Variants in PAPOLA observed in about 807,000 individuals in gnomAD.
PAPOLA encodes polynucleotide adenylyltransferase alpha.
Under a neutral mutation model 100.6 loss-of-function variants are expected in PAPOLA, and 15 were observed. The ratio of observed to expected loss-of-function variants is 0.15; its 90% CI spans 0.10 to 0.23. The LOEUF is 0.23. PAPOLA is among the 10% of genes least tolerant of loss of function. The probability of loss-of-function intolerance (pLI) is 1.00; values close to 1 mark genes in which losing one functional copy is unlikely to be tolerated. For synonymous variants in PAPOLA, 293 were observed against 300.0 expected, an observed-to-expected ratio of 0.98 and a Z score of 0.24; for missense variants, 533 against 884.2, an observed-to-expected ratio of 0.60 and a Z score of 5.04.
At chr14:96,502,708 C>G in intron 1 of PAPOLA, 108 bp downstream of exon 1, 2 of 1,260,252 alleles carry the variant, frequency 1.6e-6, no homozygotes, top group Non-Finnish European at 2.2e-6. Context: ...CCGACCCTCC[C>G]CGCTGGTAGG....
At chr14:96,534,881 A>C in intron 10 of PAPOLA, 1 of 1,061,458 alleles carries the variant, frequency 9.4e-7, no homozygotes, top group Non-Finnish European at 1.1e-6. Context: ...AAATAAAAGG[A>C]TACTAAAAAT....
At chr14:96,514,937 T>C (rs1271480178) in intron 1 of PAPOLA, among the ~76,000 whole-genome samples, 2 of 152,180 alleles carry the variant, frequency 1.3e-5, no homozygotes, top group East Asian at 3.9e-4. Flanking sequence ...TTTTATCAGA[T>C]TGTTTTTGAG....
At chr14:96,532,301 TG>T (rs756000547) in intron 7 of PAPOLA, 29 bp from the exon 8 acceptor site, 121 of 1,584,980 alleles carry the variant, frequency 7.6e-5, no homozygotes, top group Admixed American at 1.7e-4. Flanking sequence ...TGTGTGTGTG[TG>T]TGTGTTTTTT....
chr14:96,557,569 G>GTT (rs58555673), intron 19 of PAPOLA, among the ~76,000 whole-genome samples: 7 of 139,640 alleles, frequency 5.0e-5, no homozygotes, highest in Non-Finnish European at 7.8e-5. Flanking sequence ...ATTTCATTGT[G>GTT]TTTTTTTTTT....
rs1902312132 is a variant in PAPOLA at position 96,566,856 on chromosome 14, T to A, written c.*1806T>A. 6.6e-6 allele frequency: 1 copy of A among 152,576 alleles called. No homozygotes were observed. Among genetic ancestry groups the A allele is most frequent in the Non-Finnish European group, 1.5e-5 (1 of 68,002 alleles). The allele number at this position is 152,576 out of a possible 1,614,324, so 9.5% of individuals were successfully genotyped here. A position where few individuals can be genotyped will look rare whatever the true frequency, so the allele number is the denominator to read the frequency against. The stretch of plus-strand genomic sequence containing the variant: ...TACACATTGGGGAAAACAATTCAGT[T>A]TATTAAACGTTTCATGTAACTGCAC... On this transcript the variant is annotated 3_prime_UTR_variant, in exon 22 of 22. Transcript: ENST00000216277.
intron 21 of PAPOLA, 48 bp downstream of exon 21, chr14:96,562,941 T>A (rs1566870665): frequency 9.5e-7 from 1 of 1,052,496 alleles, no homozygotes; most frequent in Non-Finnish European, 1.5e-6. Context: ...TCCTTAAGAT[T>A]AGTGTGGTAT....
At chr14:96,556,443 C>G in intron 19 of PAPOLA, 30 bp downstream of exon 19, 1 of 1,338,520 alleles carries the variant, frequency 7.5e-7, no homozygotes, top group Non-Finnish European at 1.1e-6. Flanking sequence ...ATTAGTTAGC[C>G]ATGGCAACAC....
rs1243262146 is a variant in PAPOLA, at chr14:96,531,549, A to T, written c.570A>T (p.Leu190=). The change falls in exon 7 of 22, where the codon CTA becomes CTT. Residue 190 remains leucine (L), a synonymous_variant. Transcript: ENST00000216277. ...TGGATCTACGAGATGACAGTCTGCT[A>T]AAAAATTTAGATATAAGATGTATAA... ...EDLDLRDDSL[L]KNLDIRCIRS... The T allele has an allele frequency of 5.6e-6, 9 of 1,608,530 alleles. No individual in the cohort carries two copies. The Admixed American group carries it at 1.5e-4, about 27-fold the overall frequency.
chr14:96,535,754 T>G (rs1899468588), intron 10 of PAPOLA, 125 bp from the exon 11 acceptor site: 10 of 939,960 alleles, frequency 1.1e-5, no homozygotes, highest in Non-Finnish European at 1.5e-5. Flanking sequence ...TGGTTTTTCT[T>G]TCTCAACTCC....
chr14:96,527,439 T>C lies in PAPOLA; in HGVS notation c.341T>C (p.Ile114Thr). 1 of 1,607,630 alleles carries C rather than the reference T, an allele frequency of 6.2e-7. No homozygotes were observed. Among genetic ancestry groups the C allele is most frequent in the Non-Finnish European group, 8.5e-7 (1 of 1,174,624 alleles). The change falls in exon 5 of 22, where the codon ATT becomes ACT. Residue 114 changes from isoleucine to threonine, a missense_variant. This residue lies in a region of PAPOLA where 54 missense variants were observed against 133.2 expected (regional missense o/e 0.41). Coordinates refer to ENST00000216277, the MANE Select transcript of PAPOLA (RefSeq NM_032632.5). Reference protein sequence around the residue: ...RLGVHTKGADIDALCVAPRHV... With the variant: ...RLGVHTKGADTDALCVAPRHV... ...GCTTAATTTTTTTTAGGTGCTGATA[T>C]TGATGCGTTGTGTGTTGCACCAAGA... is the stretch of plus-strand genomic sequence containing the variant.
At chr14:96,540,505 A>G (rs1899893649) in intron 12 of PAPOLA, among the ~76,000 whole-genome samples, 1 of 152,072 alleles carries the variant, frequency 6.6e-6, no homozygotes, top group African/African-American at 2.4e-5. Flanking sequence ...GTTTGATTTA[A>G]GAGCATTTGG....
intron 10 of PAPOLA, 194 bp from the exon 11 acceptor site, chr14:96,535,684 TA>T (rs1899461792): frequency 1.2e-6 from 1 of 808,956 alleles, no homozygotes; most frequent in African/African-American, 1.8e-5. Flanking sequence ...AGCAGATCAT[TA>T]GTTTAGATGA....
chr14:96,541,767 T>C (rs1900012777), intron 12 of PAPOLA: 1 of 152,290 alleles, frequency 6.6e-6, no homozygotes, highest in Non-Finnish European at 1.5e-5. Flanking sequence ...TAATTTTCAC[T>C]ACTATTTCAT....
intron 19 of PAPOLA, among the ~76,000 whole-genome samples, chr14:96,558,218 A>G (rs986908900): frequency 2.2e-4 from 33 of 152,260 alleles, no homozygotes; most frequent in African/African-American, 7.7e-4. Flanking sequence ...GAGATCTTCT[A>G]GAAGTTAGGC....
intron 16 of PAPOLA, among the ~76,000 whole-genome samples, chr14:96,551,690 G>A (rs1257617604): frequency 1.3e-5 from 2 of 152,168 alleles, no homozygotes; most frequent in Non-Finnish European, 1.5e-5. Flanking sequence ...TAATATTACA[G>A]TAGTACCAAA....
chr14:96,508,023 G>A (rs985803938), intron 1 of PAPOLA, among the ~76,000 whole-genome samples: 1 of 152,118 alleles, frequency 6.6e-6, no homozygotes, highest in African/African-American at 2.4e-5. Flanking sequence ...TTATAGGCCC[G>A]TGCCACCACG....
intron 15 of PAPOLA, among the ~76,000 whole-genome samples, chr14:96,547,221 C>T (rs959121558): frequency 6.6e-6 from 1 of 151,818 alleles, no homozygotes; most frequent in Non-Finnish European, 1.5e-5. Context: ...TTTGTATGAC[C>T]GACTTTTTTA....
intron 1 of PAPOLA, among the ~76,000 whole-genome samples, chr14:96,513,845 C>A (rs1367227578): frequency 2.6e-5 from 4 of 152,094 alleles, no homozygotes; most frequent in Non-Finnish European, 5.9e-5. Context: ...TCCTTATGTG[C>A]TATATTGTTA....
chr14:96,552,638 G>C lies in PAPOLA; in HGVS notation c.1664+16G>C. 1.2e-6 allele frequency: 2 copies of C among 1,607,136 alleles called. No homozygotes were observed. The highest frequency in any genetic ancestry group is 1.7e-6 in the Non-Finnish European group (2 of 1,176,614). On this transcript the variant is annotated intron_variant, in intron 17 of 21. Coordinates refer to ENST00000216277, the MANE Select transcript of PAPOLA (RefSeq NM_032632.5). ...GCTCTCAGGGGTAAGGAAAAAGAGG[G>C]AAATAGAAGTGGAGGGGCTGTTTGC...
Sources: gnomAD v4.1 joint callset for allele counts (sites outside exome capture counted in the v4.1 genomes callset) on GRCh38, gnomAD v4.1.1 for gene constraint, gnomAD v4.1.1 regional missense constraint, MANE v1.5 for transcripts, NCBI Gene and HGNC (gene_info 2026-07-23, HGNC 2026-07-21) for gene names.